Variants in FBXL7 observed in about 807,000 individuals in gnomAD.
FBXL7 encodes F-box and leucine rich repeat protein 7, also known as F-box/LRR-repeat protein 7.
FBXL7 carries 12 observed loss-of-function variants against 38.3 expected under a neutral mutation model. The ratio of observed to expected loss-of-function variants is 0.31; its 90% CI spans 0.20 to 0.51. FBXL7 has a LOEUF of 0.51. Among genes scored for constraint, FBXL7 ranks in the 20% least tolerant of loss-of-function variants. FBXL7 has a pLI of 0.98. For synonymous variants in FBXL7, 297 were observed against 300.9 expected, an observed-to-expected ratio of 0.99 and a Z score of 0.13; for missense variants, 567 against 676.4, an observed-to-expected ratio of 0.84 and a Z score of 1.79.
At chr5:15,749,681 A>G (rs1736107378) in intron 2 of FBXL7, among the ~76,000 whole-genome samples, 1 of 152,202 alleles carries the variant, frequency 6.6e-6, no homozygotes, top group Non-Finnish European at 1.5e-5. Context: ...TTGATGCAGG[A>G]AGACATCAGT....
intron 1 of FBXL7, among the ~76,000 whole-genome samples, chr5:15,537,634 C>T (rs1737624003): frequency 6.6e-6 from 1 of 152,356 alleles, no homozygotes; most frequent in South Asian, 2.1e-4. Flanking sequence ...TTGTTGTGGT[C>T]CCCGAAGGGG....
At chr5:15,924,771 G>C (rs960850415) in intron 2 of FBXL7, among the ~76,000 whole-genome samples, 11 of 151,816 alleles carry the variant, frequency 7.2e-5, no homozygotes, top group Non-Finnish European at 1.5e-5. Flanking sequence ...GGATCATAGA[G>C]GTGTGCCACC....
At chr5:15,660,032 T>G (rs191522210) in intron 2 of FBXL7, among the ~76,000 whole-genome samples, 106 of 152,360 alleles carry the variant, frequency 7.0e-4, no homozygotes, top group African/African-American at 2.0e-3. Context: ...CATCACAGTT[T>G]CATCTAACAG....
Position 15,673,511 on chromosome 5 carries a change from A to G in FBXL7, c.127+57439A>G, listed in dbSNP as rs1184494751. 1.3e-5 allele frequency among the ~76,000 whole-genome samples: 2 copies of G among 152,170 alleles called. 1 individual carries two copies. The highest frequency in any genetic ancestry group is 3.9e-4 in the East Asian group (2 of 5,184). ...TGATTGTAAACATTCACCATGGAAC[A>G]CAGAGACACATTTTTAAGCAGGCGT... On this transcript the variant is annotated intron_variant, in intron 2 of 3. Coordinates refer to ENST00000504595, the MANE Select transcript of FBXL7 (RefSeq NM_012304.5).
intron 1 of FBXL7, chr5:15,580,714 G>A: frequency 1.0e-6 from 1 of 985,410 alleles, no homozygotes; most frequent in Non-Finnish European, 1.2e-6. Context: ...GAACAGGAAG[G>A]GAGGTGGTGA....
chr5:15,915,555 G>A (rs989068887), intron 2 of FBXL7, among the ~76,000 whole-genome samples: 2 of 152,104 alleles, frequency 1.3e-5, no homozygotes, highest in African/African-American at 4.8e-5. Context: ...TACTCTAATC[G>A]AGCATGACCT....
chr5:15,902,202 A>G (rs540466194), intron 2 of FBXL7, among the ~76,000 whole-genome samples: 17 of 152,222 alleles, frequency 1.1e-4, no homozygotes, highest in Non-Finnish European at 2.2e-4. Context: ...CCCCCACAGC[A>G]TGTTCAATAT....
At chr5:15,852,087 A>G (rs1016881374) in intron 2 of FBXL7, among the ~76,000 whole-genome samples, 4 of 152,116 alleles carry the variant, frequency 2.6e-5, no homozygotes, top group Admixed American at 6.6e-5. Context: ...GGGAGCTGAC[A>G]TCTTGGTGAA....
At chr5:15,696,340 A>G (rs1392907955) in intron 2 of FBXL7, among the ~76,000 whole-genome samples, 3 of 152,106 alleles carry the variant, frequency 2.0e-5, no homozygotes, top group African/African-American at 7.2e-5. Context: ...TCACCCTCAT[A>G]TTACACCTTG....
chr5:15,563,695 C>T (rs550739751), intron 1 of FBXL7, among the ~76,000 whole-genome samples: 2 of 152,048 alleles, frequency 1.3e-5, no homozygotes, highest in Non-Finnish European at 2.9e-5. Flanking sequence ...TGAACTTGCC[C>T]CTTTGAAAGT....
intron 2 of FBXL7, among the ~76,000 whole-genome samples, chr5:15,744,984 C>T (rs765700924): frequency 5.9e-4 from 90 of 152,052 alleles, no homozygotes; most frequent in Non-Finnish European, 1.0e-3. Flanking sequence ...TACCTCCCAC[C>T]AGGTCTCTCA....
intron 2 of FBXL7, among the ~76,000 whole-genome samples, chr5:15,798,671 G>C (rs1169408599): frequency 6.6e-6 from 1 of 152,148 alleles, no homozygotes; most frequent in Non-Finnish European, 1.5e-5. Flanking sequence ...ATATGAATAT[G>C]TTACCTATTC....
In FBXL7 at chr5:15,801,666, CGTGTGTGTGTGTTTGTGT is replaced by C. The variant is rs1477079287; in HGVS notation, c.128-126210_128-126193del. ...GTGTGTGTGTGTGTGTGCGCGCGCG[CGTGTGTGTGTGTTTGTGT>C]GTGTGTGTGTGTTGCACATCAACGT... On this transcript the variant is annotated intron_variant, in intron 2 of 3. Transcript: ENST00000504595. Among the ~76,000 whole-genome samples the C allele has an allele frequency of 4.3e-4, 61 of 141,366 alleles. 1 individual carries two copies. The highest frequency in any genetic ancestry group is 1.5e-3 in the African/African-American group (57 of 37,074). 92.7% of individuals were successfully genotyped at this position (141,366 alleles called of 152,430 possible).
intron 2 of FBXL7, among the ~76,000 whole-genome samples, chr5:15,850,579 T>C (rs558475122): frequency 5.3e-4 from 80 of 152,346 alleles, no homozygotes; most frequent in African/African-American, 1.9e-3. Context: ...AGTATTAATG[T>C]TGGGAATGAT....
At chr5:15,552,092 T>A (rs1738091240) in intron 1 of FBXL7, among the ~76,000 whole-genome samples, 1 of 152,238 alleles carries the variant, frequency 6.6e-6, no homozygotes, top group South Asian at 2.1e-4. Context: ...TTCACAAAAG[T>A]TTGTGAGCCA....
intron 2 of FBXL7, among the ~76,000 whole-genome samples, chr5:15,621,287 G>C (rs532342063): frequency 7.9e-5 from 12 of 152,234 alleles, no homozygotes; most frequent in African/African-American, 2.4e-4. Flanking sequence ...GACACTGTAG[G>C]GGGGGTTGGG....
intron 2 of FBXL7, among the ~76,000 whole-genome samples, chr5:15,792,896 C>T (rs530794736): frequency 6.6e-5 from 10 of 152,238 alleles, no homozygotes; most frequent in Admixed American, 2.0e-4. Flanking sequence ...CCATCTTCTG[C>T]GGCACCTGTA....
intron 1 of FBXL7, among the ~76,000 whole-genome samples, chr5:15,588,209 C>T (rs1304727734): frequency 6.6e-6 from 1 of 152,150 alleles, no homozygotes; most frequent in Admixed American, 6.5e-5. Context: ...GATTTATTTA[C>T]TGTCAGAACT....
At chr5:15,527,811 G>A (rs1008204068) in intron 1 of FBXL7, among the ~76,000 whole-genome samples, 1 of 152,182 alleles carries the variant, frequency 6.6e-6, no homozygotes, top group Non-Finnish European at 1.5e-5. Context: ...CCAAGAAGGA[G>A]TATCTTCCAT....
Sources: gnomAD v4.1 joint callset for allele counts (sites outside exome capture counted in the v4.1 genomes callset) on GRCh38, gnomAD v4.1.1 for gene constraint, MANE v1.5 for transcripts, NCBI Gene and HGNC (gene_info 2026-07-23, HGNC 2026-07-21) for gene names.